SP9: variants seen among roughly 807,000 people sequenced by gnomAD.
SP9 encodes the protein transcription factor Sp9.
In SP9, 5 loss-of-function variants were observed where a neutral mutation model predicts 23.0. The ratio of observed to expected loss-of-function variants is 0.22; its 90% CI spans 0.11 to 0.46. The LOEUF (loss-of-function observed/expected upper bound fraction) is 0.46. Among genes scored for constraint, SP9 ranks in the 20% least tolerant of loss-of-function variants. SP9 has a pLI of 0.99. For missense variants in SP9, 542 were observed against 724.0 expected, an observed-to-expected ratio of 0.75 and a Z score of 2.88; for synonymous variants, 360 against 356.5, an observed-to-expected ratio of 1.01 and a Z score of -0.11.
At chr2:174,336,053 C>T (rs765983684) in intron 1 of SP9, 54 bp from the exon 2 acceptor site, 8 of 1,512,042 alleles carry the variant, frequency 5.3e-6, no homozygotes, top group South Asian at 4.8e-5. Flanking sequence ...TTTCTTCCCC[C>T]ACTTCCTCTT....
In SP9 at chr2:174,336,174, C is replaced by G; in HGVS notation, c.89C>G (p.Thr30Arg). Residue 30 changes from threonine (T) to arginine (R), a missense_variant, in exon 2 of 2, where the codon ACG (threonine) becomes AGG (arginine). By Grantham distance (71) the Thr-to-Arg change is moderately conservative (BLOSUM62 -1). Coordinates refer to ENST00000394967, the MANE Select transcript of SP9 (RefSeq NM_001145250.2). ...GCGACCTGCAACAAGATCGGCAACA[C>G]GAGCCCGCTGACGACGCTGCCAGAG... ...LAATCNKIGN[T>R]SPLTTLPESS... 5.8e-6 allele frequency: 9 copies of G among 1,551,020 alleles called. No homozygotes were observed. Among genetic ancestry groups the G allele is most frequent in the Non-Finnish European group, 7.0e-6 (8 of 1,146,680 alleles).
In SP9 at chr2:174,337,332, G is replaced by C; in HGVS notation, c.1247G>C (p.Gly416Ala). Reference sequence around the variant, plus strand: ...AGCAAACACATTAAGACGCACAACGGGGGCGGCGGGGGCAAAAAGGGCAGC... The same window carrying C: ...AGCAAACACATTAAGACGCACAACGCGGGCGGCGGGGGCAAAAAGGGCAGC... ...HLSKHIKTHN[G>A]GGGGKKGSDS... The change falls in exon 2 of 2, where the codon GGG becomes GCG. Residue 416 changes from glycine (G) to alanine (A), a missense_variant. Physicochemically the swap from Gly to Ala is moderately conservative, Grantham distance 60. This residue lies in a region of SP9 where 35 missense variants were observed against 67.2 expected (regional missense o/e 0.52). Coordinates refer to ENST00000394967, the MANE Select transcript of SP9 (RefSeq NM_001145250.2). 6.4e-7 allele frequency: 1 copy of C among 1,551,030 alleles called. No individual in the cohort carries two copies. The highest frequency in any genetic ancestry group is 8.7e-7 in the Non-Finnish European group (1 of 1,146,938).
chr2:174,337,720 A>C lies in SP9; in HGVS notation c.*180A>C, dbSNP rs1389025863. 1.3e-6 allele frequency: 1 copy of C among 770,286 alleles called. No homozygotes were observed. The highest frequency in any genetic ancestry group is 1.6e-6 in the Non-Finnish European group (1 of 619,234). 47.7% of individuals were successfully genotyped at this position (770,286 alleles called of 1,614,324 possible). A position where few individuals can be genotyped will look rare whatever the true frequency, so the allele number is the denominator to read the frequency against. On this transcript the variant is annotated 3_prime_UTR_variant, in exon 2 of 2. Coordinates refer to ENST00000394967, the MANE Select transcript of SP9 (RefSeq NM_001145250.2). ...CGGGCTGCGGTTCGCCCGCTGTGCG[A>C]GGAGCTCCCCTCTGCCTTCCGCGCC...
Position 174,336,467 on chromosome 2 carries a change from G to A in SP9, c.382G>A (p.Gly128Ser). The A allele has an allele frequency of 6.8e-7, 1 of 1,479,834 alleles. No individual in the cohort carries two copies. Among genetic ancestry groups the A allele is most frequent in the Non-Finnish European group, 8.9e-7 (1 of 1,121,592 alleles). The allele number at this position is 1,479,834 out of a possible 1,614,324, so 91.7% of individuals were successfully genotyped here. ...AAAGVSPQEA[G>S]GQSAFISKVH... ...GGCCGGGGTGTCCCCGCAGGAGGCGGGTGGCCAGTCGGCCTTCATTTCCAA... is the reference window on the plus strand; with the variant it reads ...GGCCGGGGTGTCCCCGCAGGAGGCGAGTGGCCAGTCGGCCTTCATTTCCAA... The change falls in exon 2 of 2, where the codon GGT becomes AGT. Residue 128 changes from glycine to serine, a missense_variant. Physicochemically the swap from Gly to Ser is moderately conservative, Grantham distance 56. Around this residue, in one of 8 missense-constraint regions of SP9, gnomAD observed 201 missense variants for 226.3 expected, o/e 0.89. Transcript: ENST00000394967.
At position 174,335,436 on chromosome 2, in the gene SP9, G is replaced by A. The variant is rs1684390230; in HGVS notation, c.21+323G>A. ...ATTTTGTTGCAATTATGCGACAATG[G>A]TGTTTCCAGAAAACAGTCTTAATCG... On this transcript the variant is annotated intron_variant, in intron 1 of 1. Transcript: ENST00000394967. 1.1e-5 allele frequency: 4 copies of A among 380,574 alleles called. No individual in the cohort carries two copies. The East Asian group carries it at 1.7e-4, about 16-fold the overall frequency. The allele number at this position is 380,574 out of a possible 1,614,324, so 23.6% of individuals were successfully genotyped here.
chr2:174,337,667 G>T lies in SP9; in HGVS notation c.*127G>T. On this transcript the variant is annotated 3_prime_UTR_variant, in exon 2 of 2. Transcript: ENST00000394967. ...AGTGACGCCCCCAGGGCCCGGGCTG[G>T]GCGCGAGGTGGAGCCGCTCAGGGCT... 1.9e-6 allele frequency: 2 copies of T among 1,034,414 alleles called. No homozygotes were observed. The highest frequency in any genetic ancestry group is 2.3e-6 in the Non-Finnish European group (2 of 858,272). The allele number at this position is 1,034,414 out of a possible 1,614,324, so 64.1% of individuals were successfully genotyped here. A position where few individuals can be genotyped will look rare whatever the true frequency, so the allele number is the denominator to read the frequency against.
At chr2:174,335,893 G>A (rs1245184405) in intron 1 of SP9, 1 of 538,872 alleles carries the variant, frequency 1.9e-6, no homozygotes, top group Non-Finnish European at 3.3e-6. Context: ...GCAACTTTCC[G>A]GCGCCTGGAC....
Position 174,336,494 on chromosome 2 carries a change from G to A in SP9, c.409G>A (p.Val137Met). Residue 137 changes from valine to methionine, a missense_variant, in exon 2 of 2, where the codon GTG (valine) becomes ATG (methionine). Physicochemically the swap from Val to Met is conservative, Grantham distance 21. Coordinates refer to ENST00000394967, the MANE Select transcript of SP9 (RefSeq NM_001145250.2). ...TGGCCAGTCGGCCTTCATTTCCAAG[G>A]TGCACACGACGGCAGCCGACGGGCT... ...AGGQSAFISK[V>M]HTTAADGLYP... 1.4e-6 allele frequency: 2 copies of A among 1,480,046 alleles called. No homozygotes were observed. The highest frequency in any genetic ancestry group is 1.3e-5 in the South Asian group (1 of 76,510). The allele number at this position is 1,480,046 out of a possible 1,614,324, so 91.7% of individuals were successfully genotyped here.
In SP9 at chr2:174,335,002, C is replaced by G. The variant is rs908296306; in HGVS notation, c.-91C>G. On this transcript the variant is annotated 5_prime_UTR_variant, in exon 1 of 2. Coordinates refer to ENST00000394967, the MANE Select transcript of SP9 (RefSeq NM_001145250.2). ...AGTCCGCTCGGCACGAGCGCGGGGA[C>G]GCGGGAGCCGCGCGGGACCCAAGCA... 2.8e-6 allele frequency: 4 copies of G among 1,450,248 alleles called. No individual in the cohort carries two copies. In the African/African-American group the frequency reaches 5.6e-5, roughly 20 times the overall value. The allele number at this position is 1,450,248 out of a possible 1,614,324, so 89.8% of individuals were successfully genotyped here.
chr2:174,336,124 A>G lies in SP9; in HGVS notation c.39A>G (p.Gly13=). The change falls in exon 2 of 2, where the codon GGA becomes GGG. Residue 13 remains glycine (G), a synonymous_variant. Transcript: ENST00000394967. ...TSILGEEPRF[G]TTPLAMLAAT... is the part of the protein sequence containing the mutation. The stretch of plus-strand genomic sequence containing the variant: ...CACTCTAGGAAGAGCCGCGCTTCGG[A>G]ACGACCCCGTTGGCCATGCTGGCGG... 1 of 1,549,592 alleles carries G rather than the reference A, an allele frequency of 6.5e-7. No individual in the cohort carries two copies.
chr2:174,336,878 C>T lies in SP9; in HGVS notation c.793C>T (p.Pro265Ser). Residue 265 changes from proline (P) to serine (S), a missense_variant, in exon 2 of 2, where the codon CCC (proline) becomes TCC (serine). Transcript: ENST00000394967. ...LAQDGFKPVL[P>S]SYSDSSAAVA... is the part of the protein sequence containing the mutation. ...CCAGGACGGCTTCAAGCCGGTGTTGCCCTCCTATTCGGACTCCAGCGCCGC... is the reference window on the plus strand; with the variant it reads ...CCAGGACGGCTTCAAGCCGGTGTTGTCCTCCTATTCGGACTCCAGCGCCGC... The T allele has an allele frequency of 1.3e-6, 2 of 1,512,066 alleles. No individual in the cohort carries two copies. The highest frequency in any genetic ancestry group is 1.8e-6 in the Non-Finnish European group (2 of 1,136,604). The allele number at this position is 1,512,066 out of a possible 1,614,324, so 93.7% of individuals were successfully genotyped here. A position where few individuals can be genotyped will look rare whatever the true frequency, so the allele number is the denominator to read the frequency against.
Position 174,336,826 on chromosome 2 carries a change from G to C in SP9, c.741G>C (p.Leu247=). The C allele has an allele frequency of 1.3e-6, 2 of 1,527,596 alleles. No individual in the cohort carries two copies. The highest frequency in any genetic ancestry group is 1.7e-6 in the Non-Finnish European group (2 of 1,143,222). 94.6% of individuals were successfully genotyped at this position (1,527,596 alleles called of 1,614,324 possible). A position where few individuals can be genotyped will look rare whatever the true frequency, so the allele number is the denominator to read the frequency against. The part of the protein sequence containing the change: ...LGSSAAAASH[L]LSTSQHLLAQ... ...CCTCCGCCGCCGCCGCCTCCCACCT[G>C]CTCTCCACCAGCCAGCACCTGCTGG... The change falls in exon 2 of 2, where the codon CTG becomes CTC. Residue 247 remains leucine (L), a synonymous_variant. Coordinates refer to ENST00000394967, the MANE Select transcript of SP9 (RefSeq NM_001145250.2).
intron 1 of SP9, chr2:174,335,775 G>C: frequency 3.2e-6 from 1 of 316,314 alleles, no homozygotes; most frequent in Non-Finnish European, 5.8e-6. Context: ...GGGCGACTTG[G>C]GGTCTTCTGG....
rs536931200 is a variant in SP9 at position 174,336,539 on chromosome 2, G to C, written c.454G>C (p.Ala152Pro). ...CGGGCTGTACCCGCGCGTGGGCATG[G>C]CGCACCCGTACGAGTCCTGGTACAA... ...ADGLYPRVGMAHPYESWYKSG... is the reference protein window; with the variant it reads ...ADGLYPRVGMPHPYESWYKSG... Residue 152 changes from alanine (A) to proline (P), a missense_variant, in exon 2 of 2, where the codon GCG becomes CCG. Ala to Pro is a conservative substitution (Grantham distance 27). Transcript: ENST00000394967. 4 of 1,437,788 alleles carry C rather than the reference G, an allele frequency of 2.8e-6. No individual in the cohort carries two copies. The highest frequency in any genetic ancestry group is 3.6e-6 in the Non-Finnish European group (4 of 1,099,706). The allele number at this position is 1,437,788 out of a possible 1,614,324, so 89.1% of individuals were successfully genotyped here.
intron 1 of SP9, chr2:174,335,352 C>G (rs777883810): frequency 3.7e-6 from 2 of 540,344 alleles, no homozygotes; most frequent in Non-Finnish European, 6.7e-6. Flanking sequence ...CAAAAAAAAG[C>G]TAGAGGTTTC....
Position 174,336,262 on chromosome 2 carries a change from C to A in SP9, c.177C>A (p.Leu59=). 2 of 1,541,016 alleles carry A rather than the reference C, an allele frequency of 1.3e-6. No homozygotes were observed. The part of the protein sequence containing the change: ...PWKRSSSSCN[L]GSSLSGFAVA... Reference sequence around the variant, plus strand: ...AGCGCTCCTCGTCCAGCTGCAACCTCGGCTCCAGCCTCTCGGGCTTCGCGG... The same window carrying A: ...AGCGCTCCTCGTCCAGCTGCAACCTAGGCTCCAGCCTCTCGGGCTTCGCGG... The change falls in exon 2 of 2, where the codon CTC becomes CTA. Residue 59 remains leucine, a synonymous_variant. Coordinates refer to ENST00000394967, the MANE Select transcript of SP9 (RefSeq NM_001145250.2).
At position 174,337,482 on chromosome 2, in the gene SP9, C is replaced by T. The variant is rs1684438648; in HGVS notation, c.1397C>T (p.Ala466Val). 4.2e-6 allele frequency: 5 copies of T among 1,199,420 alleles called. No homozygotes were observed. The highest frequency in any genetic ancestry group is 5.2e-6 in the Non-Finnish European group (5 of 959,652). 74.3% of individuals were successfully genotyped at this position (1,199,420 alleles called of 1,614,324 possible). A position where few individuals can be genotyped will look rare whatever the true frequency, so the allele number is the denominator to read the frequency against. Reference protein sequence around the residue: ...AAAAAAAAAAAAAAASAGGKE... With the variant: ...AAAAAAAAAAVAAAASAGGKE... Reference sequence around the variant, plus strand: ...GCGGCGGCGGCGGCAGCGGCGGCGGCGGCGGCGGCGGCCTCCGCGGGAGGC... The same window carrying T: ...GCGGCGGCGGCGGCAGCGGCGGCGGTGGCGGCGGCGGCCTCCGCGGGAGGC... The change falls in exon 2 of 2, where the codon GCG becomes GTG. Residue 466 changes from alanine (A) to valine (V), a missense_variant. Ala to Val is a moderately conservative substitution (Grantham distance 64). This residue lies in a region of SP9 where 55 missense variants were observed against 56.1 expected (regional missense o/e 0.98). Transcript: ENST00000394967.
In SP9 at chr2:174,336,808, C is replaced by G; in HGVS notation, c.723C>G (p.Ala241=). ...GCTCCACGGGCCTCGGCTCCTCCGC[C>G]GCCGCCGCCTCCCACCTGCTCTCCA... ...AFSSTGLGSS[A]AAASHLLSTS... Residue 241 remains alanine, a synonymous_variant, in exon 2 of 2, where the codon GCC becomes GCG. Transcript: ENST00000394967. 1 of 1,528,660 alleles carries G rather than the reference C, an allele frequency of 6.5e-7. No individual in the cohort carries two copies. Among genetic ancestry groups the G allele is most frequent in the Non-Finnish European group, 8.7e-7 (1 of 1,143,658 alleles). The allele number at this position is 1,528,660 out of a possible 1,614,324, so 94.7% of individuals were successfully genotyped here.
At position 174,335,023 on chromosome 2, in the gene SP9, A is replaced by C; in HGVS notation, c.-70A>C. On this transcript the variant is annotated 5_prime_UTR_variant, in exon 1 of 2. Coordinates refer to ENST00000394967, the MANE Select transcript of SP9 (RefSeq NM_001145250.2). ...GGGACGCGGGAGCCGCGCGGGACCC[A>C]AGCAGTTTTTCCGAGCAGCCGCCAG... 6.5e-7 allele frequency: 1 copy of C among 1,527,470 alleles called. No individual in the cohort carries two copies. 94.6% of individuals were successfully genotyped at this position (1,527,470 alleles called of 1,614,324 possible).
Sources: allele counts gnomAD v4.1 joint callset, GRCh38; gene constraint gnomAD v4.1.1; regional missense constraint gnomAD v4.1.1; transcripts MANE v1.5; gene names NCBI Gene and HGNC (gene_info 2026-07-23, HGNC 2026-07-21).